The following BCAR3 variants were observed in gnomAD, a reference collection of about 807,000 sequenced individuals.
BCAR3 encodes breast cancer anti-estrogen resistance protein 3.
In BCAR3, 37 loss-of-function variants were observed where a neutral mutation model predicts 80.1. That is an observed-to-expected ratio of 0.46 (90% CI 0.36 to 0.61). The LOEUF (loss-of-function observed/expected upper bound fraction) is 0.61. Among genes scored for constraint, BCAR3 ranks in the 20% least tolerant of loss-of-function variants. The pLI is 0.00. For missense variants in BCAR3, 978 were observed against 1,068.2 expected (o/e 0.92, Z 1.18); for synonymous variants, 389 against 418.9 (o/e 0.93, Z 0.87).
At chr1:93,637,658 G>A (rs1675835231) in intron 3 of BCAR3, among the ~76,000 whole-genome samples, 1 of 152,110 alleles carries the variant, frequency 6.6e-6, no homozygotes, top group African/African-American at 2.4e-5. Flanking sequence ...CCACTCTTCT[G>A]GGAACATGGT....
chr1:93,567,635 C>T, intron 10 of BCAR3, 105 bp downstream of exon 10: 2 of 1,375,054 alleles, frequency 1.5e-6, no homozygotes, highest in Non-Finnish European at 2.0e-6. Flanking sequence ...CCTGATGAGC[C>T]ATCCACAGTG....
intron 3 of BCAR3, among the ~76,000 whole-genome samples, chr1:93,636,669 T>C (rs1675791104): frequency 1.3e-5 from 2 of 152,164 alleles, no homozygotes; most frequent in Non-Finnish European, 2.9e-5. Context: ...AATAAACACT[T>C]CTTCTAAAAG....
chr1:93,762,620 T>A (rs1312387026), intron 2 of BCAR3, among the ~76,000 whole-genome samples: 1 of 152,148 alleles, frequency 6.6e-6, no homozygotes, highest in East Asian at 1.9e-4. Context: ...AATGACACCC[T>A]TCACCCCGAA....
intron 2 of BCAR3, among the ~76,000 whole-genome samples, chr1:93,813,740 T>C (rs1253833383): frequency 6.6e-6 from 1 of 152,382 alleles, no homozygotes; most frequent in South Asian, 2.1e-4. Flanking sequence ...TTAACATTGA[T>C]ACAATACTAC....
chr1:93,711,609 G>A (rs1650023880), intron 2 of BCAR3, among the ~76,000 whole-genome samples: 1 of 152,164 alleles, frequency 6.6e-6, no homozygotes, highest in Non-Finnish European at 1.5e-5. Context: ...GCCGCAAAGG[G>A]GTGTGGATAT....
chr1:93,784,131 G>A (rs1406712768), intron 2 of BCAR3, among the ~76,000 whole-genome samples: 2 of 151,586 alleles, frequency 1.3e-5, no homozygotes, highest in African/African-American at 4.9e-5. Context: ...TGAGCCGCAT[G>A]GCTGATGCTA....
At chr1:93,621,802 C>A (rs236311) in intron 3 of BCAR3, among the ~76,000 whole-genome samples, 42,644 of 151,996 alleles carry the variant, frequency 0.28, 7,978 homozygotes, top group African/African-American at 0.55. Flanking sequence ...AGCCTGCAGC[C>A]GTCACAGATA....
chr1:93,647,256 G>T (rs1423125772), intron 2 of BCAR3, among the ~76,000 whole-genome samples: 1 of 152,130 alleles, frequency 6.6e-6, no homozygotes, highest in Non-Finnish European at 1.5e-5. Flanking sequence ...CTCTAAACAT[G>T]AATGCCCCTC....
chr1:93,618,937 TTG>T (rs1468125318), intron 3 of BCAR3, among the ~76,000 whole-genome samples: 14 of 147,426 alleles, frequency 9.5e-5, no homozygotes, highest in African/African-American at 2.1e-4. Context: ...TTTTTTTTTT[TTG>T]TTTTTTTTTT....
At chr1:93,841,322 C>T (rs1414886208) in intron 2 of BCAR3, among the ~76,000 whole-genome samples, 1 of 152,206 alleles carries the variant, frequency 6.6e-6, no homozygotes, top group East Asian at 1.9e-4. Context: ...GTCTTCTTCA[C>T]CAAAGGGTCC....
At chr1:93,575,986 C>A (rs369333049) in intron 8 of BCAR3, 28 bp downstream of exon 8, 1 of 1,590,084 alleles carries the variant, frequency 6.3e-7, no homozygotes, top group South Asian at 1.1e-5. Context: ...CTGGGAGGGT[C>A]GGAAGTGCAG....
chr1:93,799,532 A>G (rs1162276511), intron 2 of BCAR3, among the ~76,000 whole-genome samples: 2 of 152,342 alleles, frequency 1.3e-5, no homozygotes, highest in South Asian at 4.1e-4. Flanking sequence ...ATCTGAATTT[A>G]TATGTATTTC....
intron 2 of BCAR3, among the ~76,000 whole-genome samples, chr1:93,771,450 G>T (rs1248678781): frequency 6.6e-6 from 1 of 152,122 alleles, no homozygotes; most frequent in East Asian, 1.9e-4. Context: ...TTCCTATTAA[G>T]ACTCTGCCTC....
At chr1:93,626,189 C>G (rs1675452131) in intron 3 of BCAR3, among the ~76,000 whole-genome samples, 1 of 152,120 alleles carries the variant, frequency 6.6e-6, no homozygotes, top group Non-Finnish European at 1.5e-5. Flanking sequence ...AATTGAGAAC[C>G]CTTACTTCAA....
intron 2 of BCAR3, among the ~76,000 whole-genome samples, chr1:93,765,840 T>C (rs1652128802): frequency 1.3e-5 from 2 of 152,028 alleles, no homozygotes; most frequent in African/African-American, 2.4e-5. Context: ...CTAATTTTTG[T>C]ATTTTTAGTA....
At chr1:93,651,916 T>C (rs236295) in intron 2 of BCAR3, among the ~76,000 whole-genome samples, 6,485 of 152,192 alleles carry the variant, frequency 0.043, 209 homozygotes, top group African/African-American at 0.082. Context: ...CACACCGGGT[T>C]CCCCATGTCA....
At chr1:93,668,524 T>C (rs998356069) in intron 2 of BCAR3, among the ~76,000 whole-genome samples, 1 of 152,132 alleles carries the variant, frequency 6.6e-6, no homozygotes. Flanking sequence ...AACAGCTGCG[T>C]TCAAACACCG....
intron 2 of BCAR3, among the ~76,000 whole-genome samples, chr1:93,658,852 G>A (rs1647517552): frequency 6.6e-6 from 1 of 152,178 alleles, no homozygotes; most frequent in Non-Finnish European, 1.5e-5. Flanking sequence ...GATTTAAGAT[G>A]AGTGTAGCCA....
chr1:93,841,107 T>C (rs1327136012), intron 2 of BCAR3, among the ~76,000 whole-genome samples: 2 of 152,106 alleles, frequency 1.3e-5, no homozygotes, highest in African/African-American at 4.8e-5. Flanking sequence ...TGCAGAAGAA[T>C]GTCTGGGAAA....
Sources: allele counts gnomAD v4.1 joint callset (sites outside exome capture counted in the v4.1 genomes callset), GRCh38; gene constraint gnomAD v4.1.1; transcripts MANE v1.5; gene names NCBI Gene and HGNC (gene_info 2026-07-23, HGNC 2026-07-21).